PM20D2: variants seen among roughly 807,000 people sequenced by gnomAD.
PM20D2 encodes xaa-Arg dipeptidase.
A neutral mutation model predicts 42.9 loss-of-function variants in PM20D2; 33 were observed. That is an observed-to-expected ratio of 0.77 (90% CI 0.58 to 1.03). The LOEUF (loss-of-function observed/expected upper bound fraction) is 1.03, where lower values mean the gene tolerates loss of function less well. Among genes scored for constraint, PM20D2 ranks in the 50% least tolerant of loss-of-function variants. The pLI, the probability that PM20D2 is intolerant of heterozygous loss-of-function variation, is 0.00. For synonymous variants in PM20D2, 250 were observed against 228.2 expected (o/e 1.10, Z -0.86); for missense variants, 548 against 557.0 (o/e 0.98, Z 0.16).
the PM20D2 span, among the ~76,000 whole-genome samples, chr6:89,137,398 G>T: frequency 6.6e-6 from 1 of 152,204 alleles, no homozygotes; most frequent in Admixed American, 6.5e-5. Flanking sequence ...ACTAGAATCT[G>T]AGTTCATGTA....
chr6:89,124,318 A>G, the PM20D2 span, among the ~76,000 whole-genome samples: 2 of 152,238 alleles, frequency 1.3e-5, no homozygotes, highest in Non-Finnish European at 2.9e-5. Flanking sequence ...ATGCAATTCC[A>G]CATTTAATGT....
the PM20D2 span, among the ~76,000 whole-genome samples, chr6:89,132,116 G>A: frequency 7.0e-3 from 1,059 of 152,248 alleles, 12 homozygotes; most frequent in African/African-American, 0.024. Flanking sequence ...CCTGAAGGAG[G>A]AAATAAGTTT....
chr6:89,126,278 C>G, the PM20D2 span, among the ~76,000 whole-genome samples: 1 of 151,932 alleles, frequency 6.6e-6, no homozygotes, highest in Admixed American at 6.6e-5. Flanking sequence ...ATCTGTAGTC[C>G]CAGCTACTGG....
chr6:89,112,133 G>A, the PM20D2 span, among the ~76,000 whole-genome samples: 1 of 151,960 alleles, frequency 6.6e-6, no homozygotes, highest in Non-Finnish European at 1.5e-5. Flanking sequence ...TCAGCCTGCC[G>A]AGTAGCTGGG....
At chr6:89,099,432 A>ATATACACACATATATATGTGTG in the PM20D2 span, among the ~76,000 whole-genome samples, 4 of 100,282 alleles carry the variant, frequency 4.0e-5, no homozygotes, top group African/African-American at 1.4e-4. Context: ...ATATGTGTGT[A>ATATACACACATATATATGTGTG]TATATATACA....
At position 89,159,433 on chromosome 6, in the gene PM20D2, A is replaced by G. The variant is rs1029381855; in HGVS notation, c.1048+973A>G. Among the ~76,000 whole-genome samples the G allele has an allele frequency of 2.6e-5, 4 of 152,306 alleles. No individual in the cohort carries two copies. The South Asian group carries it at 6.2e-4, about 24-fold the overall frequency. On this transcript the variant is annotated intron_variant, in intron 5 of 6. Coordinates refer to ENST00000275072, the MANE Select transcript of PM20D2 (RefSeq NM_001010853.3). ...ATAAGATGAATATGGTCTAGTGTCC[A>G]CTGGACTCTAGTAATTAGAAATTCA...
the PM20D2 span, among the ~76,000 whole-genome samples, chr6:89,104,223 C>CT: frequency 0.041 from 5,019 of 123,116 alleles, 395 homozygotes; most frequent in African/African-American, 0.14. Flanking sequence ...AACTCATCAC[C>CT]TTTTTTTTTT....
At chr6:89,155,998 C>A (rs1473170143) in intron 4 of PM20D2, among the ~76,000 whole-genome samples, 1 of 152,040 alleles carries the variant, frequency 6.6e-6, no homozygotes, top group Non-Finnish European at 1.5e-5. Flanking sequence ...AATTCTCCTG[C>A]CTCAGCCTCC....
At chr6:89,130,819 CTTTT>C in the PM20D2 span, among the ~76,000 whole-genome samples, 2 of 24,056 alleles carry the variant, frequency 8.3e-5, no homozygotes, top group African/African-American at 1.4e-4. Flanking sequence ...GCTTCTTCTT[CTTTT>C]TTTTTTTTTT....
the PM20D2 span, among the ~76,000 whole-genome samples, chr6:89,131,665 G>C: frequency 1.3e-5 from 2 of 152,198 alleles, no homozygotes; most frequent in African/African-American, 4.8e-5. Flanking sequence ...ACTGGTGGAG[G>C]CATGGTTACT....
Position 89,162,322 on chromosome 6 carries a change from T to C in PM20D2, c.*59T>C. 6.7e-7 allele frequency: 1 copy of C among 1,497,958 alleles called. No homozygotes were observed. The highest frequency in any genetic ancestry group is 9.0e-7 in the Non-Finnish European group (1 of 1,105,730). The allele number at this position is 1,497,958 out of a possible 1,614,324, so 92.8% of individuals were successfully genotyped here. A position where few individuals can be genotyped will look rare whatever the true frequency, so the allele number is the denominator to read the frequency against. On this transcript the variant is annotated 3_prime_UTR_variant, in exon 7 of 7. Coordinates refer to ENST00000275072, the MANE Select transcript of PM20D2 (RefSeq NM_001010853.3). ...GTGATGATTTTTTTCTTTTAATCTC[T>C]TTTAATGAAGGCATGCTTGTTTTTT...
chr6:89,105,440 T>C, the PM20D2 span: 8 of 1,608,216 alleles, frequency 5.0e-6, no homozygotes, highest in Non-Finnish European at 6.8e-6. Context: ...TGCGATCACC[T>C]TGTGCAAACT....
the PM20D2 span, chr6:89,105,559 A>G: frequency 2.1e-6 from 3 of 1,457,796 alleles, no homozygotes; most frequent in Admixed American, 4.4e-5. Flanking sequence ...CACTTTGAAC[A>G]TGAGATATCA....
In PM20D2 at chr6:89,156,835, C is replaced by G. The variant is rs1484068840; in HGVS notation, c.913-1490C>G. ...TGTAGTTAATCGATAAACATATGGACAGATGTAGGAGCAAAGATGTATTCT... is the reference window on the plus strand; with the variant it reads ...TGTAGTTAATCGATAAACATATGGAGAGATGTAGGAGCAAAGATGTATTCT... On this transcript the variant is annotated intron_variant, in intron 4 of 6. Coordinates refer to ENST00000275072, the MANE Select transcript of PM20D2 (RefSeq NM_001010853.3). Among the ~76,000 whole-genome samples the G allele has an allele frequency of 3.3e-5, 5 of 152,188 alleles. No homozygotes were observed. In the East Asian group the frequency reaches 9.6e-4, roughly 29 times the overall value.
At chr6:89,143,156 A>G (rs1770396973), upstream of PM20D2, among the ~76,000 whole-genome samples, 1 of 150,772 alleles carries the variant, frequency 6.6e-6, no homozygotes, top group Non-Finnish European at 1.5e-5. Flanking sequence ...CATGTTGGGG[A>G]TTTTATTTTA....
At chr6:89,100,729 T>C in the PM20D2 span, among the ~76,000 whole-genome samples, 14 of 152,056 alleles carry the variant, frequency 9.2e-5, no homozygotes, top group East Asian at 3.9e-4. Flanking sequence ...AAGAAACAAA[T>C]AGACATTTAA....
the PM20D2 span, among the ~76,000 whole-genome samples, chr6:89,110,068 G>T: frequency 2.0e-5 from 3 of 151,870 alleles, no homozygotes; most frequent in East Asian, 5.8e-4. Flanking sequence ...TCCAGCCTGG[G>T]CAACAGAGCA....
chr6:89,098,561 GCT>G, the PM20D2 span: 2 of 1,592,510 alleles, frequency 1.3e-6, no homozygotes, highest in Middle Eastern at 1.7e-4. Context: ...ACGGCGTGGT[GCT>G]CTTTCTGTTG....
At chr6:89,137,208 G>C in the PM20D2 span, among the ~76,000 whole-genome samples, 94,120 of 151,458 alleles carry the variant, frequency 0.62, 31,504 homozygotes, top group South Asian at 0.76. Context: ...AGTCCAAAAT[G>C]GGACACAAGA....
Sources: gnomAD v4.1 joint callset for allele counts (sites outside exome capture counted in the v4.1 genomes callset) on GRCh38, gnomAD v4.1.1 for gene constraint, MANE v1.5 for transcripts, NCBI Gene and HGNC (gene_info 2026-07-23, HGNC 2026-07-21) for gene names.